Variants in CEP83 observed in about 807,000 individuals in gnomAD.
CEP83 encodes the protein centrosomal protein 83.
In CEP83, 70 loss-of-function variants were observed where a neutral mutation model predicts 101.9. The observed-to-expected ratio is 0.69, with a 90% CI of 0.57 to 0.84. The LOEUF (loss-of-function observed/expected upper bound fraction) is 0.84. Among genes scored for constraint, CEP83 ranks in the 40% least tolerant of loss-of-function variants. The pLI is 0.00. For missense variants in CEP83, 715 were observed against 787.2 expected (o/e 0.91, Z 1.10); for synonymous variants, 264 against 267.9 (o/e 0.99, Z 0.14).
chr12:94,411,924 A>T, intron 3 of CEP83, 77 bp from the exon 4 acceptor site: 1 of 1,145,834 alleles, frequency 8.7e-7, no homozygotes, highest in Non-Finnish European at 1.3e-6. Flanking sequence ...AAAGTCAATC[A>T]ACACCACAGA....
chr12:94,421,880 A>C (rs1321963647), intron 2 of CEP83, among the ~76,000 whole-genome samples: 1 of 152,228 alleles, frequency 6.6e-6, no homozygotes, highest in Non-Finnish European at 1.5e-5. Context: ...TTCCAGTCTA[A>C]TTGAGAATAA....
In CEP83 at chr12:94,331,777, C is replaced by T; in HGVS notation, c.1630G>A (p.Glu544Lys). Residue 544 changes from glutamate to lysine, a missense_variant, in exon 14 of 17, where the codon GAG (glutamate) becomes AAG (lysine). Glu to Lys is a moderately conservative substitution (Grantham distance 56). Coordinates refer to ENST00000397809, the MANE Select transcript of CEP83 (RefSeq NM_016122.3). ...QWLEEKHKLH[E>K]RITDREEKYN... ...TTTTCTTCTCTGTCTGTGATACGCT[C>T]ATGAAGCTTATGCTTTTCTTCCAAC... 1 of 1,612,586 alleles carries T rather than the reference C, an allele frequency of 6.2e-7. No individual in the cohort carries two copies. Among genetic ancestry groups the T allele is most frequent in the Non-Finnish European group, 8.5e-7 (1 of 1,178,558 alleles).
intron 14 of CEP83, among the ~76,000 whole-genome samples, chr12:94,326,458 C>A (rs2058978322): frequency 6.6e-6 from 1 of 151,994 alleles, no homozygotes; most frequent in Admixed American, 6.6e-5. Context: ...TGGGACTGAG[C>A]CGTTTAACTT....
chr12:94,291,255 A>G, the CEP83 span, among the ~76,000 whole-genome samples: 4 of 152,238 alleles, frequency 2.6e-5, no homozygotes, highest in African/African-American at 9.6e-5. Flanking sequence ...ATAATTTTTG[A>G]GACAGGGTCT....
intron 1 of CEP83, among the ~76,000 whole-genome samples, chr12:94,459,252 A>G (rs1035031323): frequency 2.0e-5 from 3 of 152,198 alleles, no homozygotes; most frequent in African/African-American, 4.8e-5. Context: ...AGTCGACATC[A>G]CTGTTCATTC....
At chr12:94,450,647 A>AT (rs1307664796) in intron 1 of CEP83, among the ~76,000 whole-genome samples, 4 of 152,232 alleles carry the variant, frequency 2.6e-5, no homozygotes, top group Admixed American at 6.5e-5. Context: ...TTAGGAATAA[A>AT]TTTAACCAAA....
intron 8 of CEP83, among the ~76,000 whole-genome samples, chr12:94,371,265 G>T (rs2061292685): frequency 6.6e-6 from 1 of 151,950 alleles, no homozygotes; most frequent in African/African-American, 2.4e-5. Flanking sequence ...TTAAGAAACT[G>T]AAGGTAAATA....
chr12:94,273,388 A>C, the CEP83 span, among the ~76,000 whole-genome samples: 7 of 152,012 alleles, frequency 4.6e-5, no homozygotes, highest in African/African-American at 1.7e-4. Context: ...AGCCTGAGTG[A>C]GTGATTGAAG....
chr12:94,404,440 G>A (rs2063424806), intron 4 of CEP83, among the ~76,000 whole-genome samples: 1 of 152,128 alleles, frequency 6.6e-6, no homozygotes, highest in Non-Finnish European at 1.5e-5. Flanking sequence ...TGGGAGAAAA[G>A]TGATTCTCAA....
intron 11 of CEP83, among the ~76,000 whole-genome samples, chr12:94,343,470 C>CTTTTTTTTTTTTTTTTTTTTTTTTTTT (rs1161481202): frequency 2.4e-5 from 2 of 84,168 alleles, no homozygotes; most frequent in African/African-American, 5.2e-5. Context: ...TAGAAATTAA[C>CTTTTTTTTTTTTTTTTTTTTTTTTTTT]TTTTTTTTTT....
At chr12:94,373,675 C>T (rs1309222223) in intron 8 of CEP83, among the ~76,000 whole-genome samples, 1 of 152,120 alleles carries the variant, frequency 6.6e-6, no homozygotes, top group East Asian at 1.9e-4. Context: ...TCTTTAAGGT[C>T]ATCATTTTCA....
intron 11 of CEP83, among the ~76,000 whole-genome samples, chr12:94,357,194 A>G (rs1257822831): frequency 1.3e-5 from 2 of 152,056 alleles, no homozygotes; most frequent in African/African-American, 4.8e-5. Context: ...CAGAGGGAAA[A>G]CACATTTAGT....
chr12:94,445,987 T>C (rs1225594096), intron 1 of CEP83, among the ~76,000 whole-genome samples: 3 of 152,226 alleles, frequency 2.0e-5, no homozygotes, highest in African/African-American at 7.2e-5. Context: ...ATAAAGTATA[T>C]AATCATGTAA....
At chr12:94,449,090 A>G (rs1482682630) in intron 1 of CEP83, among the ~76,000 whole-genome samples, 1 of 152,030 alleles carries the variant, frequency 6.6e-6, no homozygotes, top group Admixed American at 6.6e-5. Flanking sequence ...AAAATCAAGA[A>G]TGAAAGAGGG....
intron 2 of CEP83, among the ~76,000 whole-genome samples, chr12:94,433,083 G>A (rs972816447): frequency 4.6e-5 from 7 of 152,124 alleles, no homozygotes; most frequent in Non-Finnish European, 7.3e-5. Flanking sequence ...TAGTGGTGGA[G>A]GGCAGAGGAG....
In CEP83 at chr12:94,411,973, A is replaced by G. The variant is rs2063912893; in HGVS notation, c.174-126T>C. 3 of 748,152 alleles carry G rather than the reference A, an allele frequency of 4.0e-6. No homozygotes were observed. In the South Asian group the frequency reaches 5.1e-5, roughly 13 times the overall value. The allele number at this position is 748,152 out of a possible 1,614,324, so 46.3% of individuals were successfully genotyped here. ...TATCACACATTCCTTTAAACCCACA[A>G]GTATCTTTTATTTACAGAGTTTCAT... is the stretch of plus-strand genomic sequence containing the variant. On this transcript the variant is annotated intron_variant, in intron 3 of 16. Coordinates refer to ENST00000397809, the MANE Select transcript of CEP83 (RefSeq NM_016122.3).
intron 8 of CEP83, among the ~76,000 whole-genome samples, chr12:94,373,023 G>A (rs1319264070): frequency 6.6e-6 from 1 of 152,102 alleles, no homozygotes; most frequent in East Asian, 1.9e-4. Flanking sequence ...TGAGTAATCT[G>A]AACCAAATTC....
At chr12:94,288,033 TGGCTCTGCG>T in the CEP83 span, among the ~76,000 whole-genome samples, 3 of 152,222 alleles carry the variant, frequency 2.0e-5, no homozygotes, top group Non-Finnish European at 4.4e-5. Flanking sequence ...CTAGAGACTG[TGGCTCTGCG>T]CAGGGCCTGA....
chr12:94,267,269 G>A, the CEP83 span, among the ~76,000 whole-genome samples: 17,285 of 152,176 alleles, frequency 0.11, 1,180 homozygotes, highest in African/African-American at 0.19. Flanking sequence ...ATCAGGAAGA[G>A]GTCAGATGTC....
Sources: allele counts gnomAD v4.1 joint callset (sites outside exome capture counted in the v4.1 genomes callset), GRCh38; gene constraint gnomAD v4.1.1; transcripts MANE v1.5; gene names NCBI Gene and HGNC (gene_info 2026-07-23, HGNC 2026-07-21).